Variants in SPMIP2 observed in about 807,000 individuals in gnomAD.
SPMIP2 encodes the protein sperm microtubule inner protein 2, also known as protein SPMIP2.
At chr4:159,075,211 T>C in the SPMIP2 span, among the ~76,000 whole-genome samples, 2 of 152,092 alleles carry the variant, frequency 1.3e-5, no homozygotes, top group African/African-American at 4.8e-5. Context: ...AACAGAAAAT[T>C]TGCAGCATGG....
At chr4:158,987,396 T>C in the SPMIP2 span, among the ~76,000 whole-genome samples, 6 of 152,070 alleles carry the variant, frequency 3.9e-5, no homozygotes, top group Non-Finnish European at 8.8e-5. Flanking sequence ...TGTCCAACAA[T>C]GATAGACTGG....
the SPMIP2 span, among the ~76,000 whole-genome samples, chr4:159,073,158 T>C: frequency 6.6e-6 from 1 of 152,092 alleles, no homozygotes; most frequent in African/African-American, 2.4e-5. Flanking sequence ...CTTTTTCTTT[T>C]TGTTTTTGTT....
chr4:158,934,455 C>A, the SPMIP2 span, among the ~76,000 whole-genome samples: 1 of 151,968 alleles, frequency 6.6e-6, no homozygotes, highest in African/African-American at 2.4e-5. Flanking sequence ...GAGCCAGACT[C>A]AGTCTCAAAA....
chr4:158,977,600 C>CTTTTTTTTT, the SPMIP2 span, among the ~76,000 whole-genome samples: 289 of 72,406 alleles, frequency 4.0e-3, 44 homozygotes, highest in South Asian at 7.3e-3. Flanking sequence ...TCCTTCAGTT[C>CTTTTTTTTT]TTTTTTTTTT....
chr4:158,909,871 C>T, the SPMIP2 span, among the ~76,000 whole-genome samples: 2 of 152,032 alleles, frequency 1.3e-5, no homozygotes, highest in Non-Finnish European at 2.9e-5. Context: ...TGAAACCCTG[C>T]CTCTACTAAA....
the SPMIP2 span, among the ~76,000 whole-genome samples, chr4:158,952,582 T>A: frequency 5.3e-5 from 8 of 152,134 alleles, no homozygotes; most frequent in African/African-American, 1.7e-4. Flanking sequence ...GAGTGGGGTG[T>A]TACTGAAAAG....
chr4:158,912,508 G>T, the SPMIP2 span, among the ~76,000 whole-genome samples: 1 of 152,180 alleles, frequency 6.6e-6, no homozygotes, highest in Non-Finnish European at 1.5e-5. Flanking sequence ...TCTGATTCTT[G>T]TCGTGTAAGA....
chr4:159,044,314 A>T, the SPMIP2 span, among the ~76,000 whole-genome samples: 1 of 148,854 alleles, frequency 6.7e-6, no homozygotes, highest in African/African-American at 2.5e-5. Context: ...GGTTGCAGTG[A>T]GCCAAGACCG....
chr4:158,938,701 G>A, the SPMIP2 span, among the ~76,000 whole-genome samples: 2 of 152,202 alleles, frequency 1.3e-5, no homozygotes, highest in African/African-American at 4.8e-5. Context: ...TCTAAATCAA[G>A]CATGTTGTCT....
At chr4:158,949,832 G>A in the SPMIP2 span, among the ~76,000 whole-genome samples, 2 of 152,134 alleles carry the variant, frequency 1.3e-5, no homozygotes, top group African/African-American at 4.8e-5. Context: ...ACAAGAAAGC[G>A]GATCAGTTAT....
chr4:158,989,275 C>T, the SPMIP2 span, among the ~76,000 whole-genome samples: 110 of 152,182 alleles, frequency 7.2e-4, no homozygotes, highest in Admixed American at 1.3e-3. Flanking sequence ...TCATGGATAA[C>T]AAGAATCAAT....
chr4:159,021,394 A>C, the SPMIP2 span, among the ~76,000 whole-genome samples: 1 of 152,206 alleles, frequency 6.6e-6, no homozygotes, highest in East Asian at 1.9e-4. Context: ...TCCCGCATTG[A>C]TTTGTGAATG....
At chr4:159,034,708 T>C in the SPMIP2 span, among the ~76,000 whole-genome samples, 1 of 152,148 alleles carries the variant, frequency 6.6e-6, no homozygotes, top group Non-Finnish European at 1.5e-5. Flanking sequence ...CTGGCCAACA[T>C]GGTGAAACCC....
At chr4:159,038,932 T>A in the SPMIP2 span, among the ~76,000 whole-genome samples, 1 of 152,258 alleles carries the variant, frequency 6.6e-6, no homozygotes, top group East Asian at 1.9e-4. Context: ...GGAGCTTTGC[T>A]CTGTAGGTAA....
At chr4:159,061,194 A>G in the SPMIP2 span, among the ~76,000 whole-genome samples, 3 of 151,798 alleles carry the variant, frequency 2.0e-5, no homozygotes, top group East Asian at 5.8e-4. Flanking sequence ...AAACAGCAGA[A>G]AAAAACCTGG....
At chr4:159,022,419 T>A in the SPMIP2 span, among the ~76,000 whole-genome samples, 28 of 152,190 alleles carry the variant, frequency 1.8e-4, no homozygotes. Context: ...ATCTTCCTAC[T>A]AAAATTAGAT....
the SPMIP2 span, among the ~76,000 whole-genome samples, chr4:159,018,196 G>A: frequency 6.6e-6 from 1 of 152,228 alleles, no homozygotes; most frequent in Non-Finnish European, 1.5e-5. Context: ...CACTTTGGAC[G>A]TGGCAGCTGC....
the SPMIP2 span, among the ~76,000 whole-genome samples, chr4:158,910,105 TC>T: frequency 6.6e-6 from 1 of 151,902 alleles, no homozygotes; most frequent in Non-Finnish European, 1.5e-5. Context: ...GGTCTTGAAC[TC>T]TGGGCCTTAC....
chr4:159,068,699 T>TA, the SPMIP2 span, among the ~76,000 whole-genome samples: 9 of 146,338 alleles, frequency 6.2e-5, no homozygotes, highest in Non-Finnish European at 1.1e-4. Flanking sequence ...AATAAAAAAA[T>TA]AAAAAAAAGA....
Sources: allele counts gnomAD v4.1 joint callset (sites outside exome capture counted in the v4.1 genomes callset), GRCh38; gene constraint gnomAD v4.1.1; transcripts MANE v1.5; gene names NCBI Gene and HGNC (gene_info 2026-07-23, HGNC 2026-07-21).